MARCHF10: variants seen among roughly 807,000 people sequenced by gnomAD.
The protein encoded by MARCHF10 is membrane associated ring-CH-type finger 10.
Under a neutral mutation model 76.2 loss-of-function variants are expected in MARCHF10, and 64 were observed. That is an observed-to-expected ratio of 0.84 (90% CI 0.69 to 1.03). The LOEUF is 1.03. MARCHF10 is among the 50% of genes least tolerant of loss of function. The pLI is 0.00. For synonymous variants in MARCHF10, 340 were observed against 357.5 expected, an observed-to-expected ratio of 0.95 and a Z score of 0.55; for missense variants, 875 against 958.0, an observed-to-expected ratio of 0.91 and a Z score of 1.14.
intron 8 of MARCHF10, among the ~76,000 whole-genome samples, chr17:62,717,799 C>T (rs903801477): frequency 2.6e-5 from 4 of 152,240 alleles, no homozygotes; most frequent in Non-Finnish European, 5.9e-5. Context: ...CTCCCTTCTG[C>T]GTTCTTCACT....
rs1429400235 is a variant in MARCHF10, at chr17:62,711,259, A to G, written c.2300T>C (p.Leu767Pro). Residue 767 changes from leucine to proline, a missense_variant, in exon 9 of 11, where the codon CTC becomes CCC. Coordinates refer to ENST00000311269, the MANE Select transcript of MARCHF10 (RefSeq NM_152598.4). The surrounding 1 kb of genome is among the most constrained non-coding windows in gnomAD (Gnocchi z 4.4). ...CTCTCTTTCCACCTGGTTGTGGTTGAGCCTCATGAGTTCTGCAAACCTCTG... is the reference window on the plus strand; with the variant it reads ...CTCTCTTTCCACCTGGTTGTGGTTGGGCCTCATGAGTTCTGCAAACCTCTG... ...YEQRFAELMR[L>P]NHNQVERERL... The G allele has an allele frequency of 6.2e-6, 10 of 1,613,908 alleles. No homozygotes were observed. Among genetic ancestry groups the G allele is most frequent in the Non-Finnish European group, 7.6e-6 (9 of 1,179,916 alleles).
At chr17:62,764,485 T>C (rs2092283824) in intron 3 of MARCHF10, among the ~76,000 whole-genome samples, 2 of 152,156 alleles carry the variant, frequency 1.3e-5, no homozygotes, top group African/African-American at 4.8e-5. Context: ...CGCCAGACTG[T>C]GTTGAGTACA....
In MARCHF10 at chr17:62,737,112, C is replaced by T. The variant is rs567796772; in HGVS notation, c.756G>A (p.Ser252=). The T allele has an allele frequency of 1.9e-5, 31 of 1,614,062 alleles. No homozygotes were observed. Among genetic ancestry groups the T allele is most frequent in the African/African-American group, 1.7e-4 (13 of 74,996 alleles). Residue 252 remains serine, a synonymous_variant, in exon 6 of 11, where the codon TCG becomes TCA. Coordinates refer to ENST00000311269, the MANE Select transcript of MARCHF10 (RefSeq NM_152598.4). The part of the protein sequence containing the change: ...KNSPQVLSEF[S]GPPLTPTTVG... Reference sequence around the variant, plus strand: ...CAGTGGTGGGTGTGAGTGGTGGCCCCGAGAACTCACTCAATACTTGAGGAC... The same window carrying T: ...CAGTGGTGGGTGTGAGTGGTGGCCCTGAGAACTCACTCAATACTTGAGGAC...
intron 3 of MARCHF10, among the ~76,000 whole-genome samples, chr17:62,769,120 G>A (rs1199089382): frequency 1.3e-5 from 2 of 152,168 alleles, no homozygotes; most frequent in Non-Finnish European, 2.9e-5. Flanking sequence ...AGGTGGTGTG[G>A]TGTCCTTCTT....
In MARCHF10 at chr17:62,799,502, C is replaced by T. The variant is rs957757985; in HGVS notation, c.90+2144G>A. On this transcript the variant is annotated intron_variant, in intron 2 of 10. Transcript: ENST00000311269. ...GTGGCTTATGCATGTGATCCCAGCA[C>T]TTTGGGAGGCCGAGGCGGGCAGATC... 4.6e-5 allele frequency among the ~76,000 whole-genome samples: 7 copies of T among 152,210 alleles called. 1 individual carries two copies. The highest frequency in any genetic ancestry group is 4.1e-4 in the South Asian group (2 of 4,832).
At chr17:62,788,277 G>C (rs1354399216) in intron 3 of MARCHF10, among the ~76,000 whole-genome samples, 4 of 152,162 alleles carry the variant, frequency 2.6e-5, no homozygotes, top group Admixed American at 1.3e-4. Flanking sequence ...CTGCAGAGCT[G>C]GGAGCCACAG....
In MARCHF10 at chr17:62,738,060, T is replaced by TCTCACACACACA. The variant is rs371710783; in HGVS notation, c.536-729_536-728insTGTGTGTGTGAG. 2.4e-5 allele frequency: 3 copies of TCTCACACACACA among 127,312 alleles called. No homozygotes were observed. The highest frequency in any genetic ancestry group is 2.8e-4 in the South Asian group (1 of 3,532). 7.9% of individuals were successfully genotyped at this position (127,312 alleles called of 1,614,324 possible). ...AACTGTCTCTCTCTGTCTCTCTCTG[T>TCTCACACACACA]CACACACACACACACACACACACAC... On this transcript the variant is annotated intron_variant, in intron 5 of 10. Transcript: ENST00000311269. The surrounding 1 kb of genome is among the most constrained non-coding windows in gnomAD (Gnocchi z 4.0).
intron 8 of MARCHF10, chr17:62,714,578 T>C (rs547099698): frequency 1.2e-5 from 2 of 171,928 alleles, no homozygotes; most frequent in Non-Finnish European, 1.2e-5. Context: ...GCTTTATAAA[T>C]ATATGCACAG....
chr17:62,788,918 CCGGGCGCGGTGG>C (rs1332826975), intron 2 of MARCHF10, among the ~76,000 whole-genome samples: 2 of 151,282 alleles, frequency 1.3e-5, no homozygotes, highest in African/African-American at 2.4e-5. Context: ...AAAAAATTAG[CCGGGCGCGGTGG>C]CGGGCGCCTG....
At chr17:62,722,731 C>G in intron 7 of MARCHF10, 134 bp from the exon 8 acceptor site, 1 of 642,938 alleles carries the variant, frequency 1.6e-6, no homozygotes, top group Non-Finnish European at 2.5e-6. Flanking sequence ...CCTTTAAAGC[C>G]AGCCATCTTC....
intron 10 of MARCHF10, chr17:62,705,196 A>G: frequency 8.1e-7 from 1 of 1,231,632 alleles, no homozygotes; most frequent in Non-Finnish European, 1.0e-6. Context: ...TCCTGGCAGT[A>G]AAAAAACCAA....
rs9889540 is a variant in MARCHF10, at chr17:62,711,698, G to C, written c.2215-354C>G. On this transcript the variant is annotated intron_variant, in intron 8 of 10. Transcript: ENST00000311269. The surrounding 1 kb of genome is among the most constrained non-coding windows in gnomAD (Gnocchi z 4.4). Reference sequence around the variant, plus strand: ...GCCTCAGAACTCCCTGCTGGGAACCGATCACCTGGTGTGGGGGAGAGAGCT... The same window carrying C: ...GCCTCAGAACTCCCTGCTGGGAACCCATCACCTGGTGTGGGGGAGAGAGCT... Among the ~76,000 whole-genome samples the C allele has an allele frequency of 0.38, 57,141 of 152,094 alleles. 10,872 individuals are homozygous for C. The highest frequency in any genetic ancestry group is 0.41 in the African/African-American group (16,960 of 41,510).
intron 6 of MARCHF10, among the ~76,000 whole-genome samples, chr17:62,733,312 C>T (rs1013152762): frequency 1.3e-5 from 2 of 151,824 alleles, no homozygotes; most frequent in African/African-American, 4.8e-5. Context: ...ATAAAGACAT[C>T]AATATTTCAC....
chr17:62,722,433 C>T, intron 8 of MARCHF10, 55 bp downstream of exon 8: 1 of 1,254,530 alleles, frequency 8.0e-7, no homozygotes, highest in Non-Finnish European at 1.1e-6. Context: ...TGTCTTCTCG[C>T]CCTGCCCCTC....
At chr17:62,756,190 G>A (rs995991176) in intron 4 of MARCHF10, among the ~76,000 whole-genome samples, 2 of 152,202 alleles carry the variant, frequency 1.3e-5, no homozygotes, top group Admixed American at 6.5e-5. Context: ...GGAGGTTGCC[G>A]TAAGCCGAGA....
At chr17:62,790,872 G>A (rs372804167) in intron 2 of MARCHF10, among the ~76,000 whole-genome samples, 28 of 152,224 alleles carry the variant, frequency 1.8e-4, no homozygotes, top group African/African-American at 5.5e-4. Context: ...TCTAGCCTCC[G>A]GGCTCATCAC....
At chr17:62,755,529 A>G (rs547076457) in intron 4 of MARCHF10, among the ~76,000 whole-genome samples, 1 of 152,316 alleles carries the variant, frequency 6.6e-6, no homozygotes, top group African/African-American at 2.4e-5. Context: ...TCTGGGTCTC[A>G]AGGGTATATA....
In MARCHF10 at chr17:62,701,444, G is replaced by T; in HGVS notation, c.*259C>A. The T allele has an allele frequency of 1.3e-6, 1 of 749,660 alleles. No homozygotes were observed. Among genetic ancestry groups the T allele is most frequent in the South Asian group, 1.9e-5 (1 of 51,616 alleles). 46.4% of individuals were successfully genotyped at this position (749,660 alleles called of 1,614,324 possible). On this transcript the variant is annotated 3_prime_UTR_variant, in exon 11 of 11. Coordinates refer to ENST00000311269, the MANE Select transcript of MARCHF10 (RefSeq NM_152598.4). ...CCTGGCAGGGCTTCTGGGCTAAGGGGGCAGCACCAGGCCAGCCTGCCAGGG... is the reference window on the plus strand; with the variant it reads ...CCTGGCAGGGCTTCTGGGCTAAGGGTGCAGCACCAGGCCAGCCTGCCAGGG...
intron 9 of MARCHF10, 76 bp from the exon 10 acceptor site, chr17:62,705,657 G>T: frequency 6.4e-7 from 1 of 1,555,070 alleles, no homozygotes. Flanking sequence ...CCTCCTAGTC[G>T]CAGCAACGTT....
Sources: gnomAD v4.1 joint callset for allele counts (sites outside exome capture counted in the v4.1 genomes callset) on GRCh38, gnomAD v4.1.1 for gene constraint, Gnocchi (gnomAD v3.1) non-coding constraint, MANE v1.5 for transcripts, NCBI Gene and HGNC (gene_info 2026-07-23, HGNC 2026-07-21) for gene names.